Variants in LOXL4 observed in about 807,000 individuals in gnomAD.
LOXL4 encodes the protein lysyl oxidase homolog 4.
Under a neutral mutation model 89.1 loss-of-function variants are expected in LOXL4, and 72 were observed. The observed-to-expected ratio is 0.81, with a 90% CI of 0.67 to 0.98. The LOEUF (loss-of-function observed/expected upper bound fraction) is 0.98. Among genes scored for constraint, LOXL4 ranks in the 50% least tolerant of loss-of-function variants. LOXL4 has a pLI of 0.00. For synonymous variants in LOXL4, 355 were observed against 392.1 expected (o/e 0.91, Z 1.12); for missense variants, 984 against 1,017.5 (o/e 0.97, Z 0.45).
At chr10:98,256,522 TTCC>T in intron 9 of LOXL4, 2 of 525,644 alleles carry the variant, frequency 3.8e-6, no homozygotes, top group South Asian at 4.6e-5. Context: ...AAGCTATTCA[TTCC>T]TCCTCCACCT....
chr10:98,251,015 C>T (rs773858721), intron 14 of LOXL4, 50 bp downstream of exon 14: 3 of 1,348,654 alleles, frequency 2.2e-6, no homozygotes, highest in Non-Finnish European at 3.2e-6. Context: ...TTACAGTGTT[C>T]CAGCTCCCTG....
In LOXL4 at chr10:98,248,076, G is replaced by C. The variant is rs184402959; in HGVS notation, c.*845C>G. 6.6e-6 allele frequency: 1 copy of C among 152,242 alleles called. No individual in the cohort carries two copies. The highest frequency in any genetic ancestry group is 1.5e-5 in the Non-Finnish European group (1 of 68,064). The allele number at this position is 152,242 out of a possible 1,614,324, so 9.4% of individuals were successfully genotyped here. On this transcript the variant is annotated 3_prime_UTR_variant, in exon 15 of 15. Transcript: ENST00000260702. ...GAAGTTTAGACCAATCCTGAGATGCGTGGTGATCCTGAGAGAGAGCAGACT... is the reference window on the plus strand; with the variant it reads ...GAAGTTTAGACCAATCCTGAGATGCCTGGTGATCCTGAGAGAGAGCAGACT...
At position 98,255,627 on chromosome 10, in the gene LOXL4, T is replaced by A. The variant is rs1457010291; in HGVS notation, c.1541A>T (p.His514Leu). 5 of 1,613,120 alleles carry A rather than the reference T, an allele frequency of 3.1e-6. No homozygotes were observed. The East Asian group carries it at 1.1e-4, about 36-fold the overall frequency. ...LQQCQRHGPV[H>L]CSHGGGRFLA... ...GAAGCGCCCGCCACCGTGGGAGCAG[T>A]GCACCGGCCCGTGCCTCTGGCACTG... Residue 514 changes from histidine (H) to leucine (L), a missense_variant, in exon 10 of 15, where the codon CAC (histidine) becomes CTC (leucine). Coordinates refer to ENST00000260702, the MANE Select transcript of LOXL4 (RefSeq NM_032211.7).
chr10:98,262,159 T>C lies in LOXL4; in HGVS notation c.332A>G (p.Gln111Arg), dbSNP rs202182563. The change falls in exon 3 of 15, where the codon CAG (glutamine) becomes CGG (arginine). Residue 111 changes from glutamine (Q) to arginine (R), a missense_variant. Transcript: ENST00000260702. ...RCVGTESSLD[Q>R]CGSNGWGVSD... Reference sequence around the variant, plus strand: ...GACTCCCCAGCCATTAGACCCGCACTGGTCCAAGGAGCTCTCTGTGCCCAC... The same window carrying C: ...GACTCCCCAGCCATTAGACCCGCACCGGTCCAAGGAGCTCTCTGTGCCCAC... 1.8e-4 allele frequency: 293 copies of C among 1,613,740 alleles called. 1 individual carries two copies. The East Asian group carries it at 6.1e-3, about 34-fold the overall frequency.
chr10:98,263,867 A>T (rs1217461854), intron 1 of LOXL4, among the ~76,000 whole-genome samples: 1 of 151,178 alleles, frequency 6.6e-6, no homozygotes, highest in Non-Finnish European at 1.5e-5. Context: ...AGTAGCTGGG[A>T]TTACAGGCGC....
At chr10:98,260,676 C>G (rs1240179772) in intron 4 of LOXL4, among the ~76,000 whole-genome samples, 1 of 152,142 alleles carries the variant, frequency 6.6e-6, no homozygotes, top group African/African-American at 2.4e-5. Flanking sequence ...CTCCCCCAAT[C>G]CCAACACCTG....
intron 14 of LOXL4, 30 bp from the exon 15 acceptor site, chr10:98,249,021 C>T (rs1858115383): frequency 6.4e-7 from 1 of 1,574,036 alleles, no homozygotes; most frequent in Admixed American, 1.7e-5. Context: ...AGGTAAGTAG[C>T]CAACCTTTCC....
intron 1 of LOXL4, among the ~76,000 whole-genome samples, chr10:98,266,515 A>G (rs1438697236): frequency 2.0e-5 from 3 of 152,046 alleles, no homozygotes; most frequent in Non-Finnish European, 2.9e-5. Context: ...CAAGGGACCA[A>G]CCTGAGGGCA....
intron 6 of LOXL4, 36 bp downstream of exon 6, chr10:98,258,973 A>T (rs761233737): frequency 1.7e-5 from 25 of 1,482,778 alleles, no homozygotes; most frequent in Non-Finnish European, 2.0e-5. Flanking sequence ...CCGTGCCTCC[A>T]AGCTGTGGTG....
At position 98,258,053 on chromosome 10, in the gene LOXL4, CA is replaced by C; in HGVS notation, c.1032del (p.Ala345ProfsTer26). 1 of 1,613,832 alleles carries C rather than the reference CA, an allele frequency of 6.2e-7. No homozygotes were observed. The highest frequency in any genetic ancestry group is 1.1e-5 in the South Asian group (1 of 91,086). On this transcript the variant is annotated frameshift_variant, in exon 7 of 15. Transcript: ENST00000260702. LOFTEE classifies it high-confidence loss of function. ...CCCAGCTGACGACACACGACACTGGCAGAGATGAGGTTCCACCTGTGGTCAC... is the reference window on the plus strand; with the variant it reads ...CCCAGCTGACGACACACGACACTGGCGAGATGAGGTTCCACCTGTGGTCAC... ...TVCDHRWNLI[S>X]ASVVCRQLGF... is the part of the protein sequence containing the mutation.
intron 11 of LOXL4, 31 bp downstream of exon 11, chr10:98,253,522 C>G (rs374752870): frequency 6.2e-7 from 1 of 1,613,372 alleles, no homozygotes; most frequent in African/African-American, 1.3e-5. Flanking sequence ...GTTCCTAACC[C>G]TCTAGTGCCA....
At chr10:98,264,393 G>C (rs1858629658) in intron 1 of LOXL4, among the ~76,000 whole-genome samples, 1 of 149,640 alleles carries the variant, frequency 6.7e-6, no homozygotes, top group Non-Finnish European at 1.5e-5. Flanking sequence ...AGAGCAGGAA[G>C]TGCCCTTCTC....
chr10:98,257,686 G>A lies in LOXL4; in HGVS notation c.1224C>T (p.Val408=), dbSNP rs372088253. 1.2e-5 allele frequency: 20 copies of A among 1,614,086 alleles called. No individual in the cohort carries two copies. The highest frequency in any genetic ancestry group is 1.7e-5 in the Admixed American group (1 of 60,012). Residue 408 remains valine, a synonymous_variant, in exon 8 of 15, where the codon GTC becomes GTT. Transcript: ENST00000260702. ...AGCCCATGTTAGGGACATTGCACCTGACAGCAGCATCATTCTCATGTTGGC... is the reference window on the plus strand; with the variant it reads ...AGCCCATGTTAGGGACATTGCACCTAACAGCAGCATCATTCTCATGTTGGC... ...NGCQHENDAA[V]RCNVPNMGFQ...
At chr10:98,264,016 C>T (rs2135846614) in intron 1 of LOXL4, among the ~76,000 whole-genome samples, 1 of 152,072 alleles carries the variant, frequency 6.6e-6, no homozygotes, top group Admixed American at 6.5e-5. Flanking sequence ...CAGGTGTGAG[C>T]CACTGTGCCC....
At chr10:98,249,740 G>A (rs1858133377) in intron 14 of LOXL4, among the ~76,000 whole-genome samples, 1 of 152,176 alleles carries the variant, frequency 6.6e-6, no homozygotes, top group African/African-American at 2.4e-5. Context: ...GGGAACCCTT[G>A]CAGCCTGATT....
In LOXL4 at chr10:98,253,654, G is replaced by T. The variant is rs200018281; in HGVS notation, c.1734C>A (p.Tyr578Ter). The T allele has an allele frequency of 1.2e-6, 2 of 1,614,196 alleles. No individual in the cohort carries two copies. Among genetic ancestry groups the T allele is most frequent in the Admixed American group, 3.3e-5 (2 of 60,034 alleles). ...GTGTGGAGAAGCGCAATAGGCGGCG[G>T]TATCCGTAGGGCCAGTCCATGTGAT... The part of the protein sequence containing the change: ...SADHMDWPYG[Y>*]RRLLRFSTQI... Residue 578 changes from tyrosine (Y) to a stop codon, truncating the protein, a stop_gained, in exon 11 of 15, where the codon TAC becomes TAA. Transcript: ENST00000260702. LOFTEE classifies it high-confidence loss of function.
At position 98,251,327 on chromosome 10, in the gene LOXL4, A is replaced by G. The variant is rs140156290; in HGVS notation, c.2089-151T>C. 5.9e-3 allele frequency: 4,687 copies of G among 791,620 alleles called. 178 individuals carry two copies. The Admixed American group carries it at 0.068, about 12-fold the overall frequency. 49.0% of individuals were successfully genotyped at this position (791,620 alleles called of 1,614,324 possible). On this transcript the variant is annotated intron_variant, in intron 13 of 14. Transcript: ENST00000260702. Reference sequence around the variant, plus strand: ...AGGTACTGATGTTCCCATTTTACAGATAGGGACTGAGAAGTCCCAACTGAG... The same window carrying G: ...AGGTACTGATGTTCCCATTTTACAGGTAGGGACTGAGAAGTCCCAACTGAG...
At chr10:98,260,756 C>T (rs963294213) in intron 4 of LOXL4, among the ~76,000 whole-genome samples, 166 bp downstream of exon 4, 1 of 152,168 alleles carries the variant, frequency 6.6e-6, no homozygotes, top group African/African-American at 2.4e-5. Context: ...TCCCACATGC[C>T]ACACACATCA....
intron 2 of LOXL4, 73 bp downstream of exon 2, chr10:98,262,670 G>T (rs1858578116): frequency 1.3e-6 from 2 of 1,540,910 alleles, no homozygotes; most frequent in East Asian, 4.5e-5. Flanking sequence ...GGATGGGTGG[G>T]TGTCAGTGAG....
Sources: gnomAD v4.1 joint callset for allele counts (sites outside exome capture counted in the v4.1 genomes callset) on GRCh38, gnomAD v4.1.1 for gene constraint, MANE v1.5 for transcripts, NCBI Gene and HGNC (gene_info 2026-07-23, HGNC 2026-07-21) for gene names.